NRG3: variants seen among roughly 807,000 people sequenced by gnomAD.
The protein encoded by NRG3 is neuregulin 3, also known as pro-neuregulin-3, membrane-bound isoform.
A neutral mutation model predicts 66.9 loss-of-function variants in NRG3; 31 were observed. The observed-to-expected ratio is 0.46, with a 90% CI of 0.35 to 0.63. NRG3 has a LOEUF of 0.63. Among genes scored for constraint, NRG3 ranks in the 20% least tolerant of loss-of-function variants. The pLI, the probability that NRG3 is intolerant of heterozygous loss-of-function variation, is 0.00. For synonymous variants in NRG3, 393 were observed against 359.4 expected (o/e 1.09, Z -1.06); for missense variants, 910 against 878.9 (o/e 1.04, Z -0.45).
At chr10:82,609,930 G>A (rs2048204872) in intron 2 of NRG3, among the ~76,000 whole-genome samples, 1 of 152,152 alleles carries the variant, frequency 6.6e-6, no homozygotes, top group African/African-American at 2.4e-5. Context: ...TCAGAAATCT[G>A]GGTGTACTTG....
At chr10:81,941,827 C>A (rs1450015272) in intron 1 of NRG3, among the ~76,000 whole-genome samples, 1 of 152,016 alleles carries the variant, frequency 6.6e-6, no homozygotes, top group East Asian at 1.9e-4. Context: ...TTTGGGATAT[C>A]CATCCTCTTT....
intron 1 of NRG3, among the ~76,000 whole-genome samples, chr10:82,141,529 G>C (rs896269953): frequency 6.6e-6 from 1 of 152,024 alleles, no homozygotes; most frequent in Admixed American, 6.6e-5. Context: ...ACAGCACAAG[G>C]CCCAGGCTTA....
intron 2 of NRG3, among the ~76,000 whole-genome samples, chr10:82,437,514 C>G (rs1249087100): frequency 1.3e-5 from 2 of 151,998 alleles, no homozygotes; most frequent in Non-Finnish European, 2.9e-5. Context: ...TTTTTTACTA[C>G]CCATCTTCTA....
intron 2 of NRG3, among the ~76,000 whole-genome samples, chr10:82,660,769 A>G (rs2052294010): frequency 6.6e-6 from 1 of 152,198 alleles, no homozygotes; most frequent in African/African-American, 2.4e-5. Context: ...CAATTTATTA[A>G]TAATATATTT....
At chr10:82,937,533 A>T (rs1848199904) in intron 4 of NRG3, among the ~76,000 whole-genome samples, 1 of 152,252 alleles carries the variant, frequency 6.6e-6, no homozygotes, top group Non-Finnish European at 1.5e-5. Context: ...AACAGACTTT[A>T]ATAGAGCAAT....
At chr10:82,488,154 G>A (rs1022040578) in intron 2 of NRG3, among the ~76,000 whole-genome samples, 1 of 152,308 alleles carries the variant, frequency 6.6e-6, no homozygotes. Context: ...GTAATTTCAA[G>A]ACCATGGTAA....
At chr10:82,073,422 G>A (rs2064916556) in intron 1 of NRG3, among the ~76,000 whole-genome samples, 1 of 152,102 alleles carries the variant, frequency 6.6e-6, no homozygotes, top group Admixed American at 6.6e-5. Context: ...TCTGTGAGAT[G>A]TTCTTGCTGA....
intron 4 of NRG3, among the ~76,000 whole-genome samples, chr10:82,908,226 A>G (rs890787790): frequency 4.6e-5 from 7 of 152,326 alleles, no homozygotes; most frequent in Non-Finnish European, 8.8e-5. Flanking sequence ...TGGCACATGT[A>G]AGCTGTTAAC....
At position 81,998,315 on chromosome 10, in the gene NRG3, A is replaced by T. The variant is rs182485582; in HGVS notation, c.823+122152A>T. ...ATCAGATCTAATGTTGGATAGTTCTACTTAGACATGTTTCTCTATATGACT... is the reference window on the plus strand; with the variant it reads ...ATCAGATCTAATGTTGGATAGTTCTTCTTAGACATGTTTCTCTATATGACT... On this transcript the variant is annotated intron_variant, in intron 1 of 8. Coordinates refer to ENST00000372141, the MANE Select transcript of NRG3 (RefSeq NM_001010848.4). Among the ~76,000 whole-genome samples, 12 of 152,326 alleles carry T rather than the reference A, an allele frequency of 7.9e-5. No individual in the cohort carries two copies. The East Asian group carries it at 2.3e-3, about 29-fold the overall frequency.
rs1270766263 is a variant in NRG3 at position 82,343,569 on chromosome 10, G to T, written c.824-15170G>T. On this transcript the variant is annotated intron_variant, in intron 1 of 8. Coordinates refer to ENST00000372141, the MANE Select transcript of NRG3 (RefSeq NM_001010848.4). ...CTAAAATTCATGTGGAACCAAAAAA[G>T]GGCTTTAATAGCCAAAGCAATCCTA... Among the ~76,000 whole-genome samples, 3 of 152,016 alleles carry T rather than the reference G, an allele frequency of 2.0e-5. No homozygotes were observed. In the East Asian group the frequency reaches 5.8e-4, roughly 29 times the overall value.
At chr10:82,019,885 C>A (rs1477710231) in intron 1 of NRG3, among the ~76,000 whole-genome samples, 1 of 152,014 alleles carries the variant, frequency 6.6e-6, no homozygotes, top group Non-Finnish European at 1.5e-5. Context: ...TTTCAAAAAA[C>A]CAGCTCCTTG....
chr10:82,127,860 G>T (rs1288744322), intron 1 of NRG3, among the ~76,000 whole-genome samples: 1 of 151,904 alleles, frequency 6.6e-6, no homozygotes, highest in African/African-American at 2.4e-5. Flanking sequence ...CCTCTTCAGT[G>T]CTTGGAGGCT....
At chr10:81,999,242 C>A (rs979756031) in intron 1 of NRG3, among the ~76,000 whole-genome samples, 1 of 152,126 alleles carries the variant, frequency 6.6e-6, no homozygotes, top group East Asian at 1.9e-4. Flanking sequence ...CATGTTCTTA[C>A]GAGACCTCAA....
At chr10:82,912,241 G>A (rs553095814) in intron 4 of NRG3, among the ~76,000 whole-genome samples, 14 of 152,298 alleles carry the variant, frequency 9.2e-5, no homozygotes, top group African/African-American at 3.1e-4. Flanking sequence ...TTGCTGGATA[G>A]AAGGGTTCAA....
chr10:81,945,229 G>C (rs772538005), intron 1 of NRG3, among the ~76,000 whole-genome samples: 3 of 151,874 alleles, frequency 2.0e-5, no homozygotes, highest in Non-Finnish European at 4.4e-5. Flanking sequence ...GGTCTGGATC[G>C]TATAATCTTT....
In NRG3 at chr10:82,686,332, C is replaced by T. The variant is rs184020410; in HGVS notation, c.954-52245C>T. 1.5e-3 allele frequency among the ~76,000 whole-genome samples: 221 copies of T among 151,998 alleles called. 1 individual carries two copies. The highest frequency in any genetic ancestry group is 5.1e-3 in the African/African-American group (211 of 41,464). ...CCTCCCGAGTAGCTGGAATTATAGG[C>T]GCCCACCGCTACGCCTGGCTAATTT... On this transcript the variant is annotated intron_variant, in intron 2 of 8. Transcript: ENST00000372141.
At chr10:82,557,460 C>A (rs572917285) in intron 2 of NRG3, among the ~76,000 whole-genome samples, 1 of 151,486 alleles carries the variant, frequency 6.6e-6, no homozygotes, top group African/African-American at 2.4e-5. Flanking sequence ...CTTTTCATAT[C>A]CTCTGCTCAC....
At chr10:82,525,409 A>C (rs1287678122) in intron 2 of NRG3, among the ~76,000 whole-genome samples, 1 of 151,888 alleles carries the variant, frequency 6.6e-6, no homozygotes, top group Non-Finnish European at 1.5e-5. Context: ...GGGTATCCCA[A>C]ATGAATAATC....
At chr10:81,994,754 T>A (rs1377314049) in intron 1 of NRG3, among the ~76,000 whole-genome samples, 8 of 152,106 alleles carry the variant, frequency 5.3e-5, no homozygotes, top group Non-Finnish European at 1.0e-4. Flanking sequence ...GAAGTCAAAT[T>A]TGAAGCAAGT....
Sources: allele counts gnomAD v4.1 joint callset (sites outside exome capture counted in the v4.1 genomes callset), GRCh38; gene constraint gnomAD v4.1.1; transcripts MANE v1.5; gene names NCBI Gene and HGNC (gene_info 2026-07-23, HGNC 2026-07-21).